Variants in TUFT1 observed in about 807,000 individuals in gnomAD.
TUFT1 encodes the protein tuftelin.
Under a neutral mutation model 57.8 loss-of-function variants are expected in TUFT1, and 43 were observed. That is an observed-to-expected ratio of 0.74 (90% CI 0.58 to 0.96). TUFT1 has a LOEUF of 0.96. Ranked by LOEUF, TUFT1 falls within the 40% of genes least tolerant of loss-of-function variation. The probability of loss-of-function intolerance (pLI) is 0.00; values close to 1 mark genes in which losing one functional copy is unlikely to be tolerated. For synonymous variants in TUFT1, 166 were observed against 176.7 expected, an observed-to-expected ratio of 0.94 and a Z score of 0.48; for missense variants, 459 against 489.0, an observed-to-expected ratio of 0.94 and a Z score of 0.58.
intron 6 of TUFT1, 125 bp from the exon 7 acceptor site, chr1:151,569,532 C>A: frequency 1.4e-6 from 1 of 707,874 alleles, no homozygotes; most frequent in East Asian, 2.6e-5. Context: ...TGTGTGATGA[C>A]AGTTCTTTTT....
intron 7 of TUFT1, among the ~76,000 whole-genome samples, chr1:151,570,619 T>G (rs1445206539): frequency 6.6e-6 from 1 of 152,162 alleles, no homozygotes; most frequent in African/African-American, 2.4e-5. Flanking sequence ...TACAGAAATC[T>G]ATAAATGGAG....
chr1:151,563,284 G>A (rs1057039104), intron 3 of TUFT1, among the ~76,000 whole-genome samples: 29 of 151,978 alleles, frequency 1.9e-4, no homozygotes, highest in African/African-American at 7.0e-4. Context: ...CATACCACAT[G>A]ATTGACTCAG....
intron 1 of TUFT1, among the ~76,000 whole-genome samples, chr1:151,547,032 T>C (rs1258673832): frequency 6.6e-6 from 1 of 152,214 alleles, no homozygotes; most frequent in African/African-American, 2.4e-5. Flanking sequence ...GGGGAAAAAC[T>C]GCTGGGCAGA....
intron 1 of TUFT1, chr1:151,557,977 A>C: frequency 1.9e-6 from 1 of 519,028 alleles, no homozygotes. Flanking sequence ...ATAAACTTAC[A>C]GCAAAAAAAC....
At chr1:151,553,908 C>T (rs1415278444) in intron 1 of TUFT1, among the ~76,000 whole-genome samples, 1 of 151,998 alleles carries the variant, frequency 6.6e-6, no homozygotes, top group East Asian at 1.9e-4. Flanking sequence ...TTGATAATGC[C>T]TAATGAAGTT....
intron 9 of TUFT1, among the ~76,000 whole-genome samples, chr1:151,578,406 T>C (rs1389681191): frequency 1.3e-5 from 2 of 151,980 alleles, no homozygotes; most frequent in African/African-American, 2.4e-5. Flanking sequence ...GCCTCCTGGG[T>C]TCAAGCGATT....
intron 7 of TUFT1, among the ~76,000 whole-genome samples, chr1:151,570,834 G>A (rs1666230909): frequency 6.6e-6 from 1 of 152,114 alleles, no homozygotes; most frequent in Admixed American, 6.5e-5. Context: ...AGCCTCCTGA[G>A]TAGCTGGGAC....
In TUFT1 at chr1:151,565,436, C is replaced by T. The variant is rs544601822; in HGVS notation, c.415-727C>T. 7.2e-5 allele frequency among the ~76,000 whole-genome samples: 11 copies of T among 152,380 alleles called. No individual in the cohort carries two copies. The South Asian group carries it at 1.9e-3, about 26-fold the overall frequency. ...TTCATTCCCTTGAGGGGAACAGTGGCCCAGCAGCTGGTGCAAGGAAAGTTC... is the reference window on the plus strand; with the variant it reads ...TTCATTCCCTTGAGGGGAACAGTGGTCCAGCAGCTGGTGCAAGGAAAGTTC... On this transcript the variant is annotated intron_variant, in intron 5 of 12. Transcript: ENST00000368849.
At chr1:151,563,011 C>T (rs746931088) in intron 3 of TUFT1, among the ~76,000 whole-genome samples, 1 of 151,994 alleles carries the variant, frequency 6.6e-6, no homozygotes, top group Non-Finnish European at 1.5e-5. Flanking sequence ...CTTATGTTTT[C>T]CTATAATGGG....
chr1:151,579,849 A>G (rs1444703083), intron 11 of TUFT1, 117 bp downstream of exon 11: 8 of 1,011,598 alleles, frequency 7.9e-6, no homozygotes, highest in Non-Finnish European at 1.2e-5. Flanking sequence ...TCTGAAGTGA[A>G]TACCTAGGGT....
intron 3 of TUFT1, among the ~76,000 whole-genome samples, chr1:151,563,335 G>A (rs1006398617): frequency 6.6e-6 from 1 of 151,864 alleles, no homozygotes; most frequent in South Asian, 2.1e-4. Context: ...GCATAACAAC[G>A]TTTTGGTCAG....
intron 1 of TUFT1, among the ~76,000 whole-genome samples, chr1:151,555,900 A>G (rs978869939): frequency 6.6e-6 from 1 of 152,040 alleles, no homozygotes; most frequent in African/African-American, 2.4e-5. Flanking sequence ...GTGGTACTCT[A>G]TCACAACCAG....
intron 9 of TUFT1, among the ~76,000 whole-genome samples, 190 bp downstream of exon 9, chr1:151,575,195 G>A (rs572936847): frequency 6.6e-6 from 1 of 152,136 alleles, no homozygotes; most frequent in Non-Finnish European, 1.5e-5. Flanking sequence ...TTGGGAGGCC[G>A]CCATCTCCAG....
intron 1 of TUFT1, among the ~76,000 whole-genome samples, chr1:151,555,659 C>T (rs1324511787): frequency 6.6e-6 from 1 of 151,238 alleles, no homozygotes; most frequent in East Asian, 2.0e-4. Flanking sequence ...TGCCTATAGT[C>T]CCAGCTACTT....
chr1:151,547,332 C>T (rs1367066694), intron 1 of TUFT1, among the ~76,000 whole-genome samples: 1 of 152,172 alleles, frequency 6.6e-6, no homozygotes, highest in Non-Finnish European at 1.5e-5. Flanking sequence ...GGGCGTGCAC[C>T]CAGATGGTTT....
intron 8 of TUFT1, 147 bp from the exon 9 acceptor site, chr1:151,574,764 C>A: frequency 1.4e-6 from 1 of 705,404 alleles, no homozygotes. Flanking sequence ...CAAGGGATGG[C>A]TCCCCATCAA....
At chr1:151,560,355 G>A (rs1319549880) in intron 1 of TUFT1, among the ~76,000 whole-genome samples, 1 of 151,982 alleles carries the variant, frequency 6.6e-6, no homozygotes, top group African/African-American at 2.4e-5. Context: ...GACGGAGGCT[G>A]CAGTGAGCCA....
Position 151,579,671 on chromosome 1 carries a change from T to G in TUFT1, c.947T>G (p.Ile316Ser). Residue 316 changes from isoleucine to serine, a missense_variant, in exon 11 of 13, where the codon ATC becomes AGC. Physicochemically the swap from Ile to Ser is moderately radical, Grantham distance 142. Transcript: ENST00000368849. ...CAGCTCCAGAATTCAAAAGCTGTGA[T>G]CCAGTCAAAGGACGCCACCATCCAG... Reference protein sequence around the residue: ...IEQLQNSKAVIQSKDATIQEL... With the variant: ...IEQLQNSKAVSQSKDATIQEL... The G allele has an allele frequency of 6.2e-7, 1 of 1,613,968 alleles. No individual in the cohort carries two copies. The highest frequency in any genetic ancestry group is 8.5e-7 in the Non-Finnish European group (1 of 1,179,968).
chr1:151,558,025 A>G (rs1665769673), intron 1 of TUFT1: 1 of 407,232 alleles, frequency 2.5e-6, no homozygotes, highest in African/African-American at 2.1e-5. Flanking sequence ...GGGGAAGGAA[A>G]TCTTGTTGTA....
Sources: gnomAD v4.1 joint callset for allele counts (sites outside exome capture counted in the v4.1 genomes callset) on GRCh38, gnomAD v4.1.1 for gene constraint, MANE v1.5 for transcripts, NCBI Gene and HGNC (gene_info 2026-07-23, HGNC 2026-07-21) for gene names.